Variants in CELF1 observed in about 807,000 individuals in gnomAD.
The protein encoded by CELF1 is 50 kDa nuclear polyadenylated RNA-binding protein.
A neutral mutation model predicts 61.8 loss-of-function variants in CELF1; 10 were observed. The observed-to-expected ratio is 0.16, with a 90% CI of 0.10 to 0.27. CELF1 has a LOEUF of 0.27. CELF1 is among the 10% of genes least tolerant of loss of function. The pLI, the probability that CELF1 is intolerant of heterozygous loss-of-function variation, is 1.00. For missense variants in CELF1, 380 were observed against 639.1 expected, an observed-to-expected ratio of 0.59 and a Z score of 4.37; for synonymous variants, 236 against 225.1, an observed-to-expected ratio of 1.05 and a Z score of -0.43.
At chr11:47,537,189 G>A (rs1165242609) in intron 1 of CELF1, among the ~76,000 whole-genome samples, 1 of 151,838 alleles carries the variant, frequency 6.6e-6, no homozygotes, top group Non-Finnish European at 1.5e-5. Flanking sequence ...GACTGTTCAG[G>A]CAATAAAAAT....
Position 47,501,415 on chromosome 11 carries a change from T to C in CELF1, c.-153-483A>G, listed in dbSNP as rs897196098. Among the ~76,000 whole-genome samples, 10 of 152,194 alleles carry C rather than the reference T, an allele frequency of 6.6e-5. 1 individual carries two copies. The highest frequency in any genetic ancestry group is 1.3e-4 in the Non-Finnish European group (9 of 68,036). On this transcript the variant is annotated intron_variant, in intron 1 of 14. Coordinates refer to ENST00000687097, the MANE Select transcript of CELF1 (RefSeq NM_001376376.1). The stretch of plus-strand genomic sequence containing the variant: ...ACATTGGAACTGATGGCATGCCTCT[T>C]CCTATAGAAAGCTGCCTAGACCAAA...
Position 47,478,760 on chromosome 11 carries a change from T to C in CELF1, c.844+117A>G, listed in dbSNP as rs1481586784. The C allele has an allele frequency of 3.8e-6, 3 of 784,688 alleles. No individual in the cohort carries two copies. The African/African-American group carries it at 5.2e-5, about 14-fold the overall frequency. The allele number at this position is 784,688 out of a possible 1,614,324, so 48.6% of individuals were successfully genotyped here. The stretch of plus-strand genomic sequence containing the variant: ...CCTGGGATGTTTATCCTAGGTCAGG[T>C]TTACATAATAAGCAAAAAAATGTTT... On this transcript the variant is annotated intron_variant, in intron 10 of 14. Coordinates refer to ENST00000687097, the MANE Select transcript of CELF1 (RefSeq NM_001376376.1).
intron 14 of CELF1, among the ~76,000 whole-genome samples, chr11:47,472,711 TCTGA>T (rs1318784122): frequency 4.6e-5 from 7 of 152,028 alleles, no homozygotes; most frequent in African/African-American, 1.4e-4. Flanking sequence ...CGCCACCACG[TCTGA>T]CTAATTTTTT....
At chr11:47,541,519 C>G (rs1158144637) in intron 1 of CELF1, among the ~76,000 whole-genome samples, 3 of 151,560 alleles carry the variant, frequency 2.0e-5, no homozygotes, top group African/African-American at 7.3e-5. Context: ...GGTGAAACCC[C>G]GTCTCTACTT....
At chr11:47,519,188 A>C (rs2095722141) in intron 1 of CELF1, among the ~76,000 whole-genome samples, 1 of 152,294 alleles carries the variant, frequency 6.6e-6, no homozygotes, top group South Asian at 2.1e-4. Flanking sequence ...CTATTCTATT[A>C]TCACTTTTTA....
chr11:47,565,451 C>A (rs1202475247), exon 1 of CELF1: 3 of 542,190 alleles, frequency 5.5e-6, no homozygotes, highest in Non-Finnish European at 5.3e-6. Flanking sequence ...CCGGGCCCTC[C>A]TCCAGAGTCC....
chr11:47,472,955 G>A, intron 14 of CELF1, 133 bp downstream of exon 14: 1 of 902,158 alleles, frequency 1.1e-6, no homozygotes, highest in Non-Finnish European at 1.6e-6. Context: ...TCAAAAAGAG[G>A]TCATAATGAC....
At chr11:47,528,847 C>T (rs1302851702) in intron 1 of CELF1, among the ~76,000 whole-genome samples, 2 of 150,468 alleles carry the variant, frequency 1.3e-5, no homozygotes, top group Non-Finnish European at 3.0e-5. Context: ...GCTATGATCA[C>T]GCCACTGCAC....
At chr11:47,538,568 G>A (rs959503573) in intron 1 of CELF1, among the ~76,000 whole-genome samples, 21 of 151,394 alleles carry the variant, frequency 1.4e-4, no homozygotes, top group African/African-American at 4.1e-4. Flanking sequence ...GCGTGAACCC[G>A]GGAGACAGAG....
At chr11:47,550,979 GTCCTT>G (rs1441158547) in intron 1 of CELF1, among the ~76,000 whole-genome samples, 2 of 151,654 alleles carry the variant, frequency 1.3e-5, no homozygotes, top group African/African-American at 2.4e-5. Context: ...TCAATTCAGG[GTCCTT>G]TCCCATTTCA....
intron 1 of CELF1, among the ~76,000 whole-genome samples, chr11:47,533,975 T>C (rs905652149): frequency 6.6e-6 from 1 of 151,706 alleles, no homozygotes; most frequent in Non-Finnish European, 1.5e-5. Context: ...TATGCTGCTA[T>C]TTCTTTCCAG....
At chr11:47,477,508 AG>A in intron 10 of CELF1, 83 bp from the exon 11 acceptor site, 1 of 1,445,426 alleles carries the variant, frequency 6.9e-7, no homozygotes, top group Non-Finnish European at 9.5e-7. Flanking sequence ...ACACTGGCAG[AG>A]GGCTGGTCCC....
At chr11:47,534,665 T>C (rs1477635650) in intron 1 of CELF1, among the ~76,000 whole-genome samples, 1 of 152,028 alleles carries the variant, frequency 6.6e-6, no homozygotes, top group African/African-American at 2.4e-5. Flanking sequence ...GAGGTGGAGC[T>C]TGCAGTATGC....
chr11:47,499,000 T>G (rs991009300), intron 3 of CELF1, among the ~76,000 whole-genome samples: 1 of 152,142 alleles, frequency 6.6e-6, no homozygotes, highest in African/African-American at 2.4e-5. Flanking sequence ...TAGATGATAC[T>G]AAACACACTG....
chr11:47,541,722 GAA>G (rs1565904426), intron 1 of CELF1, among the ~76,000 whole-genome samples: 1 of 7,372 alleles, frequency 1.4e-4, no homozygotes, highest in African/African-American at 3.1e-4. Context: ...AAGAAAGAAA[GAA>G]AGAACGAAAG....
In CELF1 at chr11:47,488,943, T is replaced by C; in HGVS notation, c.153A>G (p.Pro51=). The change falls in exon 4 of 15, where the codon CCA becomes CCG. Residue 51 remains proline, a synonymous_variant. Coordinates refer to ENST00000687097, the MANE Select transcript of CELF1 (RefSeq NM_001376376.1). ...DAIKMFVGQV[P]RTWSEKDLRE... Reference sequence around the variant, plus strand: ...GCAAGTCCTTTTCAGACCAGGTCCTTGGAACCTGGCCCACAAACATCTTGA... The same window carrying C: ...GCAAGTCCTTTTCAGACCAGGTCCTCGGAACCTGGCCCACAAACATCTTGA... 1 of 1,613,148 alleles carries C rather than the reference T, an allele frequency of 6.2e-7. No individual in the cohort carries two copies. The highest frequency in any genetic ancestry group is 8.5e-7 in the Non-Finnish European group (1 of 1,179,614).
rs2076707022 is a variant in CELF1, at chr11:47,466,547, C to CA, written c.*5682dup. 3 of 149,992 alleles carry CA rather than the reference C, an allele frequency of 2.0e-5. No individual in the cohort carries two copies. The highest frequency in any genetic ancestry group is 2.1e-4 in the South Asian group (1 of 4,722). 9.3% of individuals were successfully genotyped at this position (149,992 alleles called of 1,614,324 possible). A position where few individuals can be genotyped will look rare whatever the true frequency, so the allele number is the denominator to read the frequency against. ...TAAAAAACTCACACAGGTTTGTCTCCAAAATGTAAAGTTTCTTTTTTTTTT... is the reference window on the plus strand; with the variant it reads ...TAAAAAACTCACACAGGTTTGTCTCCAAAAATGTAAAGTTTCTTTTTTTTTT... On this transcript the variant is annotated 3_prime_UTR_variant, in exon 15 of 15. Transcript: ENST00000687097.
chr11:47,554,498 CTCACCTCCTTCAGACTTTGACTT>C (rs1178745409), upstream of CELF1, among the ~76,000 whole-genome samples: 1 of 152,106 alleles, frequency 6.6e-6, no homozygotes, highest in African/African-American at 2.4e-5. Context: ...GGCTCACTTC[CTCACCTCCTTCAGACTTTGACTT>C]AAGTGTCACC....
intron 1 of CELF1, among the ~76,000 whole-genome samples, chr11:47,537,854 T>TG (rs2096668265): frequency 1.3e-5 from 2 of 152,134 alleles, no homozygotes; most frequent in Non-Finnish European, 2.9e-5. Context: ...TGCACAGCAC[T>TG]GGGTTTAGTA....
Sources: allele counts gnomAD v4.1 joint callset (sites outside exome capture counted in the v4.1 genomes callset), GRCh38; gene constraint gnomAD v4.1.1; transcripts MANE v1.5; gene names NCBI Gene and HGNC (gene_info 2026-07-23, HGNC 2026-07-21).